Variants in CABIN1 observed in about 807,000 individuals in gnomAD.
The protein encoded by CABIN1 is calcineurin binding protein 1.
Under a neutral mutation model 227.7 loss-of-function variants are expected in CABIN1, and 133 were observed. The observed-to-expected ratio is 0.58, with a 90% CI of 0.51 to 0.67. The LOEUF is 0.67. Among genes scored for constraint, CABIN1 ranks in the 30% least tolerant of loss-of-function variants. The pLI, the probability that CABIN1 is intolerant of heterozygous loss-of-function variation, is 0.00. For synonymous variants in CABIN1, 1,086 were observed against 1,155.1 expected, an observed-to-expected ratio of 0.94 and a Z score of 1.21; for missense variants, 2,408 against 2,852.5, an observed-to-expected ratio of 0.84 and a Z score of 3.55.
chr22:24,076,027 A>G (rs1384896141), intron 18 of CABIN1, 142 bp from the exon 19 acceptor site: 1 of 657,100 alleles, frequency 1.5e-6, no homozygotes. Context: ...AGGCAAAAAA[A>G]AAAAAAAAAG....
chr22:24,098,248 G>C lies in CABIN1; in HGVS notation c.4117+56G>C, dbSNP rs2042009937. On this transcript the variant is annotated intron_variant, in intron 26 of 36. Coordinates refer to ENST00000263119, the MANE Select transcript of CABIN1 (RefSeq NM_012295.4). ...CAGGGCGGCACATCAATCACGGGGGGGTGCTCGGACGACTCATTTTGTCGC... is the reference window on the plus strand; with the variant it reads ...CAGGGCGGCACATCAATCACGGGGGCGTGCTCGGACGACTCATTTTGTCGC... The C allele has an allele frequency of 3.7e-6, 6 of 1,612,066 alleles. No individual in the cohort carries two copies. The Admixed American group carries it at 5.0e-5, about 13-fold the overall frequency.
intron 1 of CABIN1, among the ~76,000 whole-genome samples, chr22:24,012,911 C>T (rs2034933387): frequency 6.6e-6 from 1 of 151,590 alleles, no homozygotes. Flanking sequence ...CAGACACCCG[C>T]CACCATGCTT....
chr22:24,136,725 TCACACACA>T (rs765709835), intron 29 of CABIN1, among the ~76,000 whole-genome samples: 15 of 143,416 alleles, frequency 1.0e-4, no homozygotes, highest in Admixed American at 8.3e-4. Context: ...AAACAATACA[TCACACACA>T]CACACGCACA....
At chr22:24,035,223 T>C (rs999427028) in intron 1 of CABIN1, among the ~76,000 whole-genome samples, 11 of 152,172 alleles carry the variant, frequency 7.2e-5, no homozygotes, top group African/African-American at 1.9e-4. Flanking sequence ...TCTCACTCTT[T>C]TGTGTGCCTG....
At position 24,036,101 on chromosome 22, in the gene CABIN1, G is replaced by C. The variant is rs1389051634; in HGVS notation, c.16G>C (p.Ala6Pro). Residue 6 changes from alanine to proline, a missense_variant, in exon 3 of 37, where the codon GCC becomes CCC. Physicochemically the swap from Ala to Pro is conservative, Grantham distance 27. This residue lies in a region of CABIN1 where 1,045 missense variants were observed against 1,168.4 expected (regional missense o/e 0.89). Coordinates refer to ENST00000263119, the MANE Select transcript of CABIN1 (RefSeq NM_012295.4). MIRIAALNASSTIEDD... is the reference protein window; with the variant it reads MIRIAPLNASSTIEDD... ...CCCCTGTTTCTAGATTCGAATTGCA[G>C]CCTTAAATGCCAGCTCCACCATTGA... The C allele has an allele frequency of 6.2e-7, 1 of 1,613,486 alleles. No homozygotes were observed. Among genetic ancestry groups the C allele is most frequent in the Non-Finnish European group, 8.5e-7 (1 of 1,179,660 alleles).
chr22:24,071,180 T>G, intron 17 of CABIN1, 138 bp downstream of exon 17: 1 of 1,242,688 alleles, frequency 8.0e-7, no homozygotes, highest in Non-Finnish European at 1.1e-6. Flanking sequence ...GTTGGAACTT[T>G]CGGGATCTGA....
At chr22:24,161,544 C>T (rs114014819) in intron 29 of CABIN1, among the ~76,000 whole-genome samples, 1,714 of 152,178 alleles carry the variant, frequency 0.011, 35 homozygotes, top group African/African-American at 0.039. Context: ...TCAGCTGCTA[C>T]TTATGGCCCC....
In CABIN1 at chr22:24,084,658, A is replaced by G. The variant is rs1249807128; in HGVS notation, c.2990A>G (p.Lys997Arg). ...PKTLPEFDSYKTSTVSADLAN... is the reference protein window; with the variant it reads ...PKTLPEFDSYRTSTVSADLAN... Reference sequence around the variant, plus strand: ...ACCCTTCCTGAATTTGACAGCTATAAGACCAGCACCGTGTCTGCTGACTTG... The same window carrying G: ...ACCCTTCCTGAATTTGACAGCTATAGGACCAGCACCGTGTCTGCTGACTTG... Residue 997 changes from lysine to arginine, a missense_variant, in exon 21 of 37, where the codon AAG becomes AGG. By Grantham distance (26) the Lys-to-Arg change is conservative. This residue lies in a region of CABIN1 where 649 missense variants were observed against 910.3 expected (regional missense o/e 0.71). Transcript: ENST00000263119. 1.2e-6 allele frequency: 2 copies of G among 1,614,194 alleles called. No homozygotes were observed.
chr22:24,038,505 C>A (rs2037107189), intron 4 of CABIN1, 44 bp downstream of exon 4: 2 of 1,400,642 alleles, frequency 1.4e-6, no homozygotes, highest in Non-Finnish European at 2.0e-6. Flanking sequence ...GTGGTTAGTG[C>A]ATGGGCTGTG....
chr22:24,075,525 G>A (rs2040379275), intron 18 of CABIN1, among the ~76,000 whole-genome samples: 1 of 152,090 alleles, frequency 6.6e-6, no homozygotes, highest in African/African-American at 2.4e-5. Flanking sequence ...TTGGGAGGCC[G>A]AGGCAGGCCA....
At chr22:24,072,658 G>A in intron 18 of CABIN1, 148 bp downstream of exon 18, 1 of 980,132 alleles carries the variant, frequency 1.0e-6, no homozygotes, top group Non-Finnish European at 1.5e-6. Flanking sequence ...CTTGGACAGA[G>A]GCAGAAGTGT....
chr22:24,119,064 T>G (rs1415106035), intron 27 of CABIN1, among the ~76,000 whole-genome samples: 1 of 152,226 alleles, frequency 6.6e-6, no homozygotes, highest in African/African-American at 2.4e-5. Flanking sequence ...TGGGACAGCC[T>G]GTGCCACCGT....
chr22:24,100,017 G>A (rs995499006), intron 26 of CABIN1, among the ~76,000 whole-genome samples: 1 of 152,256 alleles, frequency 6.6e-6, no homozygotes, highest in African/African-American at 2.4e-5. Context: ...GATCACTCAG[G>A]CATGACAACT....
intron 1 of CABIN1, among the ~76,000 whole-genome samples, chr22:24,019,120 GTTTTTTTTTTT>G (rs945660140): frequency 2.5e-4 from 10 of 40,218 alleles, no homozygotes; most frequent in African/African-American, 9.0e-4. Context: ...ACTGAGTGTT[GTTTTTTTTTTT>G]TTTTTTTTTT....
At chr22:24,059,454 C>T in intron 11 of CABIN1, 91 bp downstream of exon 11, 2 of 1,504,162 alleles carry the variant, frequency 1.3e-6, no homozygotes, top group Admixed American at 3.7e-5. Context: ...GAGAATGGTT[C>T]TGGGGTGTTT....
chr22:24,057,814 T>C lies in CABIN1; in HGVS notation c.1263-1413T>C, dbSNP rs2038911067. Among the ~76,000 whole-genome samples, 3 of 152,244 alleles carry C rather than the reference T, an allele frequency of 2.0e-5. No individual in the cohort carries two copies. The South Asian group carries it at 6.2e-4, about 32-fold the overall frequency. On this transcript the variant is annotated intron_variant, in intron 10 of 36. Coordinates refer to ENST00000263119, the MANE Select transcript of CABIN1 (RefSeq NM_012295.4). ...GCAGTGCCTTCTGATGAATTTTTCT[T>C]AAGGGGTAATACCAGAAGAAAGTTT...
rs952810210 is a variant in CABIN1 at position 24,042,592 on chromosome 22, A to T, written c.346-312A>T. Among the ~76,000 whole-genome samples, 5 of 152,296 alleles carry T rather than the reference A, an allele frequency of 3.3e-5. No homozygotes were observed. The East Asian group carries it at 5.8e-4, about 18-fold the overall frequency. On this transcript the variant is annotated intron_variant, in intron 5 of 36. Coordinates refer to ENST00000263119, the MANE Select transcript of CABIN1 (RefSeq NM_012295.4). ...TGAGACCCAGTCTCAAAAAAGAAAA[A>T]TTTTTTTAAAAAATTCTAAGTTAAA...
intron 1 of CABIN1, among the ~76,000 whole-genome samples, chr22:24,019,407 G>A (rs1453602545): frequency 2.0e-5 from 3 of 151,664 alleles, no homozygotes; most frequent in Admixed American, 2.0e-4. Flanking sequence ...TGGGATTACA[G>A]GCGTGAGCCT....
chr22:24,161,662 C>T (rs2046162012), intron 29 of CABIN1, among the ~76,000 whole-genome samples: 1 of 152,228 alleles, frequency 6.6e-6, no homozygotes, highest in African/African-American at 2.4e-5. Flanking sequence ...GTCACTGCTG[C>T]CTATGCCCTT....
Sources: allele counts gnomAD v4.1 joint callset (sites outside exome capture counted in the v4.1 genomes callset), GRCh38; gene constraint gnomAD v4.1.1; regional missense constraint gnomAD v4.1.1; transcripts MANE v1.5; gene names NCBI Gene and HGNC (gene_info 2026-07-23, HGNC 2026-07-21).